The following CDH16 variants were observed in gnomAD, a reference collection of about 807,000 sequenced individuals.
CDH16 encodes cadherin-16.
A neutral mutation model predicts 87.6 loss-of-function variants in CDH16; 79 were observed. The observed-to-expected ratio is 0.90, with a 90% CI of 0.75 to 1.09. CDH16 has a LOEUF of 1.09. Among genes scored for constraint, CDH16 ranks in the 50% least tolerant of loss-of-function variants. The probability of loss-of-function intolerance (pLI) is 0.00; values close to 1 mark genes in which losing one functional copy is unlikely to be tolerated. For synonymous variants in CDH16, 457 were observed against 439.5 expected (o/e 1.04, Z -0.50); for missense variants, 1,124 against 1,071.7 (o/e 1.05, Z -0.68).
chr16:66,910,547 A>C (rs1962367741), intron 14 of CDH16, 45 bp from the exon 15 acceptor site: 5 of 1,455,640 alleles, frequency 3.4e-6, no homozygotes, highest in Non-Finnish European at 9.1e-7. Context: ...TGCCAGGGGG[A>C]GGGTGAGCTC....
rs1962633818 is a variant in CDH16, at chr16:66,915,376, T to C, written c.427A>G (p.Ile143Val). The C allele has an allele frequency of 1.9e-6, 3 of 1,613,520 alleles. No homozygotes were observed. Among genetic ancestry groups the C allele is most frequent in the Admixed American group, 1.7e-5 (1 of 59,952 alleles). Residue 143 changes from isoleucine (I) to valine (V), a missense_variant and splice_region_variant, in exon 6 of 18, where the codon ATC becomes GTC. Physicochemically the swap from Ile to Val is conservative, Grantham distance 29. Coordinates refer to ENST00000299752, the MANE Select transcript of CDH16 (RefSeq NM_004062.4). ...GAAGCCTCAAGGAAGAGGAAGGGGATGCCTGGTTCACGGTGGGAGGGCAAA... is the reference window on the plus strand; with the variant it reads ...GAAGCCTCAAGGAAGAGGAAGGGGACGCCTGGTTCACGGTGGGAGGGCAAA... ...ARLSRGTRPG[I>V]PFLFLEASDR... is the part of the protein sequence containing the mutation.
In CDH16 at chr16:66,912,273, T is replaced by C; in HGVS notation, c.1517A>G (p.Asp506Gly). The change falls in exon 12 of 18, where the codon GAC (aspartate) becomes GGC (glycine). Residue 506 changes from aspartate to glycine, a missense_variant. Asp to Gly is a moderately conservative substitution (Grantham distance 94). Coordinates refer to ENST00000299752, the MANE Select transcript of CDH16 (RefSeq NM_004062.4). ...GAGTCTGAGTCTAACATGCCCAGAG[T>C]CTGGCTCCCAATCCAGGCCAAAAGT... ...EGTFGLDWEP[D>G]SGHVRLRLCK... 1.2e-6 allele frequency: 2 copies of C among 1,612,778 alleles called. No homozygotes were observed. The highest frequency in any genetic ancestry group is 1.7e-6 in the Non-Finnish European group (2 of 1,179,242).
In CDH16 at chr16:66,912,899, G is replaced by C; in HGVS notation, c.1055-8C>G. On this transcript the variant is annotated splice_polypyrimidine_tract_variant and splice_region_variant and intron_variant, in intron 9 of 17. Transcript: ENST00000299752. ...GTCTAGTCACTTCAGTACCTGCCAAGACAGCACCCGCCTGGATAGGACCAC... is the reference window on the plus strand; with the variant it reads ...GTCTAGTCACTTCAGTACCTGCCAACACAGCACCCGCCTGGATAGGACCAC... 1 of 1,606,118 alleles carries C rather than the reference G, an allele frequency of 6.2e-7. No individual in the cohort carries two copies. The highest frequency in any genetic ancestry group is 8.5e-7 in the Non-Finnish European group (1 of 1,177,484).
Position 66,914,267 on chromosome 16 carries a change from A to G in CDH16, c.729T>C (p.Pro243=), listed in dbSNP as rs866971229. 3.1e-6 allele frequency: 5 copies of G among 1,614,198 alleles called. No homozygotes were observed. The South Asian group carries it at 5.5e-5, about 18-fold the overall frequency. Residue 243 remains proline, a synonymous_variant, in exon 7 of 18, where the codon CCT becomes CCC. Transcript: ENST00000299752. The part of the protein sequence containing the change: ...IIESTWVSLE[P]IHLAENLKVL... ...CTTTGAGATTCTCTGCCAGGTGGAT[A>G]GGCTCTAGGGACACCCAGGTGCTCT...
At chr16:66,918,441 G>A (rs1962785746) in intron 1 of CDH16, among the ~76,000 whole-genome samples, 2 of 152,256 alleles carry the variant, frequency 1.3e-5, no homozygotes, top group Non-Finnish European at 2.9e-5. Context: ...AAGACTTGGA[G>A]GGTCACTTCC....
In CDH16 at chr16:66,908,492, G is replaced by A. The variant is rs762804685; in HGVS notation, c.2393-3C>T. 10 of 1,612,840 alleles carry A rather than the reference G, an allele frequency of 6.2e-6. No individual in the cohort carries two copies. Among genetic ancestry groups the A allele is most frequent in the Middle Eastern group, 1.6e-4 (1 of 6,080 alleles). ...GAAAATGAGGATGAGGAAGATTCCT[G>A]TGGGGCCCAAGAGGGATGTATCAGG... On this transcript the variant is annotated splice_region_variant and splice_polypyrimidine_tract_variant and intron_variant, in intron 17 of 17. Coordinates refer to ENST00000299752, the MANE Select transcript of CDH16 (RefSeq NM_004062.4).
intron 6 of CDH16, 107 bp downstream of exon 6, chr16:66,915,112 TC>T (rs1215508778): frequency 1.8e-6 from 2 of 1,120,310 alleles, no homozygotes; most frequent in Non-Finnish European, 2.5e-6. Flanking sequence ...TGCCCTTCCC[TC>T]CCTTTTTACC....
At position 66,915,349 on chromosome 16, in the gene CDH16, C is replaced by A; in HGVS notation, c.454G>T (p.Asp152Tyr). 6.2e-7 allele frequency: 1 copy of A among 1,613,790 alleles called. No homozygotes were observed. The highest frequency in any genetic ancestry group is 8.5e-7 in the Non-Finnish European group (1 of 1,179,970). The change falls in exon 6 of 18, where the codon GAC (aspartate) becomes TAC (tyrosine). Residue 152 changes from aspartate to tyrosine, a missense_variant. By Grantham distance (160) the Asp-to-Tyr change is radical (BLOSUM62 -3). Transcript: ENST00000299752. ...TTGGCTGTGCCTGGCTCATCCCGGT[C>A]TGAAGCCTCAAGGAAGAGGAAGGGG... ...GIPFLFLEAS[D>Y]RDEPGTANSD...
rs746381313 is a variant in CDH16, at chr16:66,917,676, T to C, written c.95A>G (p.Asn32Ser). ...GTATAAAGGGAAATTTCCACCATAG[T>C]TTTCTGGAACTTCCACAGACAGCTC... ...PAELSVEVPE[N>S]YGGNFPLYLT... The change falls in exon 3 of 18, where the codon AAC becomes AGC. Residue 32 changes from asparagine to serine, a missense_variant. By Grantham distance (46) the Asn-to-Ser change is conservative (BLOSUM62 1). Coordinates refer to ENST00000299752, the MANE Select transcript of CDH16 (RefSeq NM_004062.4). 1 of 1,613,360 alleles carries C rather than the reference T, an allele frequency of 6.2e-7. No homozygotes were observed. Among genetic ancestry groups the C allele is most frequent in the East Asian group, 2.2e-5 (1 of 44,878 alleles).
Position 66,910,370 on chromosome 16 carries a change from A to AT in CDH16, c.2056_2057insA (p.Val686AspfsTer54). ...ATCGGGGTCCTTGCTGGGTCCACTCACGATCAAGCCATGGTCTTGGCGGGG... is the reference window on the plus strand; with the variant it reads ...ATCGGGGTCCTTGCTGGGTCCACTCATCGATCAAGCCATGGTCTTGGCGGGG... On this transcript the variant is annotated frameshift_variant, in exon 15 of 18. Coordinates refer to ENST00000299752, the MANE Select transcript of CDH16 (RefSeq NM_004062.4). LOFTEE classifies it high-confidence loss of function. 1 of 1,613,714 alleles carries AT rather than the reference A, an allele frequency of 6.2e-7. No homozygotes were observed. Among genetic ancestry groups the AT allele is most frequent in the Non-Finnish European group, 8.5e-7 (1 of 1,179,814 alleles).
At position 66,916,026 on chromosome 16, in the gene CDH16, AC is replaced by A. The variant is rs934925506; in HGVS notation, c.424+38del. ...GCTCTCTGCTGTTCCATCAAGGCCC[AC>A]CTGACCTTACTGTAAATTGGCTGCC... On this transcript the variant is annotated intron_variant, in intron 5 of 17. Transcript: ENST00000299752. This position sits in a 1 kb window ranked among gnomAD's most constrained non-coding sequence, Gnocchi z 4.1. 6 of 1,613,134 alleles carry A rather than the reference AC, an allele frequency of 3.7e-6. No individual in the cohort carries two copies. The African/African-American group carries it at 6.7e-5, about 18-fold the overall frequency.
At chr16:66,911,762 G>T in intron 13 of CDH16, 137 bp downstream of exon 13, 4 of 1,113,622 alleles carry the variant, frequency 3.6e-6, no homozygotes, top group Non-Finnish European at 5.0e-6. Flanking sequence ...CCTGCCAGGA[G>T]TCACAACCTT....
Position 66,912,366 on chromosome 16 carries a change from A to G in CDH16, c.1424T>C (p.Ile475Thr), listed in dbSNP as rs780153635. Residue 475 changes from isoleucine to threonine, a missense_variant, in exon 12 of 18, where the codon ATT becomes ACT. Transcript: ENST00000299752. ...GAAGGCGGGCTCGAGGTCAGCATCA[A>G]TGGCTGTTAGCATGGCCACCAGAGT... ...PGTLVAMLTA[I>T]DADLEPAFRL... The G allele has an allele frequency of 1.9e-6, 3 of 1,614,172 alleles. 1 individual carries two copies. The highest frequency in any genetic ancestry group is 1.1e-5 in the South Asian group (1 of 91,086).
chr16:66,911,865 C>A (rs1432773571), intron 13 of CDH16, 34 bp downstream of exon 13: 3 of 1,555,078 alleles, frequency 1.9e-6, no homozygotes, highest in African/African-American at 1.4e-5. Context: ...CAGGGGCAAT[C>A]CAGTCCAGGT....
chr16:66,908,299 C>G lies in CDH16; in HGVS notation c.*93G>C. 3 of 1,018,186 alleles carry G rather than the reference C, an allele frequency of 2.9e-6. No individual in the cohort carries two copies. The highest frequency in any genetic ancestry group is 4.6e-6 in the Non-Finnish European group (3 of 653,310). 63.1% of individuals were successfully genotyped at this position (1,018,186 alleles called of 1,614,324 possible). A position where few individuals can be genotyped will look rare whatever the true frequency, so the allele number is the denominator to read the frequency against. ...CAGATGGAGGGGCTTCTACTCTGTC[C>G]TGTCCCCTGCTGGATCTTGGGTGCT... On this transcript the variant is annotated 3_prime_UTR_variant, in exon 18 of 18. Transcript: ENST00000299752.
rs750053148 is a variant in CDH16 at position 66,915,320 on chromosome 16, C to A, written c.483G>T (p.Ser161=). 2 of 1,613,814 alleles carry A rather than the reference C, an allele frequency of 1.2e-6. No individual in the cohort carries two copies. Among genetic ancestry groups the A allele is most frequent in the Non-Finnish European group, 1.7e-6 (2 of 1,179,958 alleles). The change falls in exon 6 of 18, where the codon TCG becomes TCT. Residue 161 remains serine (S), a synonymous_variant. Coordinates refer to ENST00000299752, the MANE Select transcript of CDH16 (RefSeq NM_004062.4). ...SDRDEPGTAN[S]DLRFHILSQA... ...GGCTCAGGATGTGGAATCGAAGATC[C>A]GAGTTGGCTGTGCCTGGCTCATCCC...
chr16:66,914,348 C>T lies in CDH16; in HGVS notation c.648G>A (p.Met216Ile). The T allele has an allele frequency of 1.2e-6, 2 of 1,614,208 alleles. No individual in the cohort carries two copies. Among genetic ancestry groups the T allele is most frequent in the South Asian group, 1.1e-5 (1 of 91,080 alleles). The change falls in exon 7 of 18, where the codon ATG (methionine) becomes ATA (isoleucine). Residue 216 changes from methionine (M) to isoleucine (I), a missense_variant. Coordinates refer to ENST00000299752, the MANE Select transcript of CDH16 (RefSeq NM_004062.4). The stretch of plus-strand genomic sequence containing the variant: ...CCTGGTGGCCTGAGGCCTGGTCACC[C>T]ATGTCCTTGACCTGTACCAACAGCT... ...TYQLLVQVKD[M>I]GDQASGHQAT...
Position 66,909,975 on chromosome 16 carries a change from C to G in CDH16, c.2275+11G>C. On this transcript the variant is annotated intron_variant, in intron 16 of 17. Transcript: ENST00000299752. The surrounding 1 kb of genome is among the most constrained non-coding windows in gnomAD (Gnocchi z 4.1). ...TCAGGAACTGCAGGCTGCACCCAAG[C>G]CCAATCTCACCTCGAACCAGGAGCT... The G allele has an allele frequency of 6.3e-7, 1 of 1,586,484 alleles. No homozygotes were observed. Among genetic ancestry groups the G allele is most frequent in the Non-Finnish European group, 8.6e-7 (1 of 1,164,386 alleles).
intron 9 of CDH16, 100 bp from the exon 10 acceptor site, chr16:66,912,991 C>CGTGT (rs112552212): frequency 2.5e-3 from 2,740 of 1,114,474 alleles, no homozygotes; most frequent in South Asian, 6.8e-3. Context: ...AATTTGAGCT[C>CGTGT]GTGTGTGTGT....
Sources: gnomAD v4.1 joint callset for allele counts (sites outside exome capture counted in the v4.1 genomes callset) on GRCh38, gnomAD v4.1.1 for gene constraint, Gnocchi (gnomAD v3.1) non-coding constraint, MANE v1.5 for transcripts, NCBI Gene and HGNC (gene_info 2026-07-23, HGNC 2026-07-21) for gene names.